The following TMPO variants were observed in gnomAD, a reference collection of about 807,000 sequenced individuals.
TMPO encodes LEM domain containing 4.
A neutral mutation model predicts 45.4 loss-of-function variants in TMPO; 22 were observed. The ratio of observed to expected loss-of-function variants is 0.48; its 90% CI spans 0.35 to 0.69. The LOEUF (loss-of-function observed/expected upper bound fraction) is 0.69, where lower values mean the gene tolerates loss of function less well. Among genes scored for constraint, TMPO ranks in the 30% least tolerant of loss-of-function variants. The pLI, the probability that TMPO is intolerant of heterozygous loss-of-function variation, is 0.01. For synonymous variants in TMPO, 241 were observed against 204.1 expected, an observed-to-expected ratio of 1.18 and a Z score of -1.54; for missense variants, 512 against 548.8, an observed-to-expected ratio of 0.93 and a Z score of 0.67.
intron 8 of TMPO, 104 bp downstream of exon 8, chr12:98,546,551 T>G: frequency 2.1e-6 from 2 of 936,828 alleles, no homozygotes; most frequent in Non-Finnish European, 3.5e-6. Context: ...AATTAAGCTG[T>G]TTTTTTGGAG....
chr12:98,539,385 T>C (rs1877773433), intron 4 of TMPO, among the ~76,000 whole-genome samples: 1 of 151,602 alleles, frequency 6.6e-6, no homozygotes, highest in African/African-American at 2.4e-5. Flanking sequence ...AAGAGTTTAA[T>C]GACCCTCCAG....
At chr12:98,522,708 A>G (rs1876461781) in intron 1 of TMPO, among the ~76,000 whole-genome samples, 1 of 152,236 alleles carries the variant, frequency 6.6e-6, no homozygotes, top group African/African-American at 2.4e-5. Context: ...AATTTTGGGA[A>G]ACGAATAAGG....
intron 8 of TMPO, 117 bp from the exon 9 acceptor site, chr12:98,547,456 A>G (rs1878294745): frequency 2.5e-6 from 3 of 1,220,970 alleles, no homozygotes; most frequent in Non-Finnish European, 3.5e-6. Flanking sequence ...TCAATTTTCT[A>G]CTGTTACCTC....
rs1276692899 is a variant in TMPO, at chr12:98,545,018, A to G, written c.947A>G (p.Asp316Gly). 2 of 1,613,788 alleles carry G rather than the reference A, an allele frequency of 1.2e-6. No homozygotes were observed. The highest frequency in any genetic ancestry group is 1.7e-5 in the Admixed American group (1 of 60,000). Residue 316 changes from aspartate (D) to glycine (G), a missense_variant, in exon 7 of 9, where the codon GAC (aspartate) becomes GGC (glycine). Transcript: ENST00000556029. Reference sequence around the variant, plus strand: ...ATTCTGCCAATCACTGAATTCTCAGACATACCCAGAAGAGCACCAAAGAAA... The same window carrying G: ...ATTCTGCCAATCACTGAATTCTCAGGCATACCCAGAAGAGCACCAAAGAAA... ...SPILPITEFS[D>G]IPRRAPKKPL...
At position 98,547,628 on chromosome 12, in the gene TMPO, G is replaced by A. The variant is rs757538101; in HGVS notation, c.1135G>A (p.Asp379Asn). The A allele has an allele frequency of 6.2e-7, 1 of 1,614,200 alleles. No homozygotes were observed. The highest frequency in any genetic ancestry group is 8.5e-7 in the Non-Finnish European group (1 of 1,180,030). The change falls in exon 9 of 9, where the codon GAT becomes AAT. Residue 379 changes from aspartate to asparagine, a missense_variant. Around this residue, in one of 3 missense-constraint regions of TMPO, gnomAD observed 209 missense variants for 235.1 expected, o/e 0.89. Coordinates refer to ENST00000556029, the MANE Select transcript of TMPO (RefSeq NM_001032283.3). ...GAAGRPLELS[D>N]FRMEESFSSK... ...TGCAGGCCGGCCATTAGAACTCAGT[G>A]ATTTCAGGATGGAGGAGTCTTTTTC... is the stretch of plus-strand genomic sequence containing the variant.
In TMPO at chr12:98,548,486, C is replaced by T. The variant is rs1399870481; in HGVS notation, c.*628C>T. The T allele has an allele frequency of 6.6e-6, 1 of 152,598 alleles. No homozygotes were observed. Among genetic ancestry groups the T allele is most frequent in the African/African-American group, 2.4e-5 (1 of 41,440 alleles). The allele number at this position is 152,598 out of a possible 1,614,324, so 9.5% of individuals were successfully genotyped here. A position where few individuals can be genotyped will look rare whatever the true frequency, so the allele number is the denominator to read the frequency against. On this transcript the variant is annotated 3_prime_UTR_variant, in exon 9 of 9. Transcript: ENST00000556029. Reference sequence around the variant, plus strand: ...TCATGAAAGTCCTATTTCAGTAAGACCCATTTACATACAGTAGATTTTTAG... The same window carrying T: ...TCATGAAAGTCCTATTTCAGTAAGATCCATTTACATACAGTAGATTTTTAG...
chr12:98,545,514 A>C (rs1449942739), intron 7 of TMPO, among the ~76,000 whole-genome samples: 1 of 152,210 alleles, frequency 6.6e-6, no homozygotes, highest in African/African-American at 2.4e-5. Context: ...GGTGCATTTT[A>C]ATTTGAATGA....
chr12:98,536,212 T>G (rs1343727478), intron 3 of TMPO, among the ~76,000 whole-genome samples: 1 of 152,240 alleles, frequency 6.6e-6, no homozygotes, highest in Non-Finnish European at 1.5e-5. Flanking sequence ...TCACACAAGT[T>G]CAGAGTTCAT....
intron 4 of TMPO, among the ~76,000 whole-genome samples, chr12:98,539,400 A>G (rs1407846112): frequency 6.6e-6 from 1 of 151,616 alleles, no homozygotes; most frequent in African/African-American, 2.4e-5. Context: ...CTCCAGTCAT[A>G]GATGTGCCAC....
At chr12:98,520,463 C>T (rs1013147259) in intron 1 of TMPO, among the ~76,000 whole-genome samples, 5 of 151,880 alleles carry the variant, frequency 3.3e-5, no homozygotes, top group Non-Finnish European at 7.4e-5. Flanking sequence ...CACACCACTA[C>T]TCCTGGTTAA....
intron 4 of TMPO, among the ~76,000 whole-genome samples, chr12:98,539,401 G>T (rs530472691): frequency 6.6e-6 from 1 of 151,398 alleles, no homozygotes; most frequent in East Asian, 1.9e-4. Context: ...TCCAGTCATA[G>T]ATGTGCCACA....
intron 2 of TMPO, among the ~76,000 whole-genome samples, chr12:98,529,357 T>G (rs1161941351): frequency 6.6e-6 from 1 of 152,070 alleles, no homozygotes; most frequent in South Asian, 2.1e-4. Context: ...GCTGAGCCCC[T>G]TTTTCATTTA....
At chr12:98,522,689 C>G (rs1392232538) in intron 1 of TMPO, among the ~76,000 whole-genome samples, 3 of 152,168 alleles carry the variant, frequency 2.0e-5, no homozygotes, top group Non-Finnish European at 2.9e-5. Flanking sequence ...TGCAATGTTA[C>G]TAAAATATAA....
At chr12:98,534,615 T>C (rs1489215003) in intron 3 of TMPO, 37 of 1,221,938 alleles carry the variant, frequency 3.0e-5, no homozygotes, top group South Asian at 7.0e-5. Context: ...GCTTTACTTA[T>C]GTTTTTACAA....
At chr12:98,525,333 C>T (rs1425304978) in intron 1 of TMPO, among the ~76,000 whole-genome samples, 1 of 152,170 alleles carries the variant, frequency 6.6e-6, no homozygotes, top group East Asian at 1.9e-4. Context: ...CGTAAGTTGA[C>T]ATAATTGTTC....
chr12:98,544,063 A>T, intron 4 of TMPO, 167 bp from the exon 5 acceptor site: 2 of 704,920 alleles, frequency 2.8e-6, no homozygotes, highest in Non-Finnish European at 4.7e-6. Flanking sequence ...TGATGCCTAA[A>T]TATCAGTTCA....
chr12:98,529,439 C>G (rs1316032687), intron 2 of TMPO, among the ~76,000 whole-genome samples: 3 of 152,062 alleles, frequency 2.0e-5, no homozygotes, highest in Non-Finnish European at 4.4e-5. Flanking sequence ...AAAACAAAAA[C>G]CTAGGACTAA....
At chr12:98,531,895 A>C in intron 3 of TMPO, 57 bp downstream of exon 3, 1 of 1,476,590 alleles carries the variant, frequency 6.8e-7, no homozygotes, top group South Asian at 1.2e-5. Context: ...CTCAAAATTC[A>C]GTGACCATGA....
In TMPO at chr12:98,527,772, A is replaced by C; in HGVS notation, c.280-114A>C. 7 of 1,197,900 alleles carry C rather than the reference A, an allele frequency of 5.8e-6. 1 individual carries two copies. The South Asian group carries it at 7.5e-5, about 13-fold the overall frequency. 74.2% of individuals were successfully genotyped at this position (1,197,900 alleles called of 1,614,324 possible). ...AATTTAATGGAATTGCTAAGGCCTA[A>C]TATTACTATAAACCAATTTGGTAGT... On this transcript the variant is annotated intron_variant, in intron 1 of 8. Coordinates refer to ENST00000556029, the MANE Select transcript of TMPO (RefSeq NM_001032283.3).
Sources: allele counts gnomAD v4.1 joint callset (sites outside exome capture counted in the v4.1 genomes callset), GRCh38; gene constraint gnomAD v4.1.1; regional missense constraint gnomAD v4.1.1; transcripts MANE v1.5; gene names NCBI Gene and HGNC (gene_info 2026-07-23, HGNC 2026-07-21).